Variants in IFT88 observed in about 807,000 individuals in gnomAD.
IFT88 encodes the protein intraflagellar transport protein 88 homolog.
Under a neutral mutation model 119.5 loss-of-function variants are expected in IFT88, and 74 were observed. The observed-to-expected ratio is 0.62, with a 90% CI of 0.51 to 0.75. The LOEUF is 0.75. Ranked by LOEUF, IFT88 falls within the 30% of genes least tolerant of loss-of-function variation. The pLI is 0.00. For missense variants in IFT88, 961 were observed against 977.7 expected (o/e 0.98, Z 0.23); for synonymous variants, 279 against 316.7 (o/e 0.88, Z 1.26).
intron 24 of IFT88, among the ~76,000 whole-genome samples, chr13:20,682,436 A>ATAAATCTATCCT (rs2057429628): frequency 6.6e-6 from 1 of 152,234 alleles, no homozygotes; most frequent in Non-Finnish European, 1.5e-5. Flanking sequence ...AGGATAGAAA[A>ATAAATCTATCCT]TAGATTACTC....
intron 14 of IFT88, among the ~76,000 whole-genome samples, chr13:20,621,936 T>A (rs889042181): frequency 1.3e-5 from 2 of 152,230 alleles, no homozygotes; most frequent in South Asian, 2.1e-4. Flanking sequence ...CTGATCTTTT[T>A]ACTGTCTCCA....
intron 2 of IFT88, among the ~76,000 whole-genome samples, chr13:20,578,476 T>G (rs922838858): frequency 3.3e-5 from 5 of 151,946 alleles, no homozygotes; most frequent in African/African-American, 9.7e-5. Context: ...TATCTCTTTC[T>G]TCTAGGTTTT....
At chr13:20,681,516 C>G (rs2057316928) in intron 24 of IFT88, among the ~76,000 whole-genome samples, 1 of 152,214 alleles carries the variant, frequency 6.6e-6, no homozygotes, top group Non-Finnish European at 1.5e-5. Context: ...AGACCAGAGG[C>G]ATTAACATGG....
chr13:20,632,448 C>T (rs1390263426), intron 16 of IFT88, among the ~76,000 whole-genome samples: 2 of 152,132 alleles, frequency 1.3e-5, no homozygotes, highest in African/African-American at 2.4e-5. Context: ...ATAAGGCTAC[C>T]ACAACTCCTT....
intron 10 of IFT88, 85 bp from the exon 11 acceptor site, chr13:20,599,366 A>G (rs2042245025): frequency 1.8e-6 from 1 of 564,814 alleles, no homozygotes; most frequent in African/African-American, 2.0e-5. Context: ...GAAATGCTTC[A>G]GAGAATATGA....
chr13:20,586,416 T>A (rs561491584), intron 3 of IFT88, among the ~76,000 whole-genome samples: 1 of 152,336 alleles, frequency 6.6e-6, no homozygotes, highest in Non-Finnish European at 1.5e-5. Context: ...TAAAAGAGTA[T>A]AAATTGCTGT....
At chr13:20,654,162 G>A (rs1337135552) in intron 21 of IFT88, among the ~76,000 whole-genome samples, 1 of 152,094 alleles carries the variant, frequency 6.6e-6, no homozygotes, top group East Asian at 1.9e-4. Context: ...AAACAGATTT[G>A]TTATTTCTCA....
At chr13:20,637,279 A>G (rs768938959) in intron 16 of IFT88, among the ~76,000 whole-genome samples, 9 of 152,230 alleles carry the variant, frequency 5.9e-5, no homozygotes, top group Non-Finnish European at 1.0e-4. Context: ...TTTATTATAT[A>G]TAAGTTATAT....
chr13:20,604,764 G>T (rs548572796), intron 12 of IFT88, among the ~76,000 whole-genome samples: 95 of 152,108 alleles, frequency 6.2e-4, no homozygotes, highest in Middle Eastern at 3.2e-3. Flanking sequence ...AGACCAGCCT[G>T]GGCAAAATGG....
intron 1 of IFT88, among the ~76,000 whole-genome samples, chr13:20,574,177 C>G (rs1045098601): frequency 3.9e-5 from 6 of 152,028 alleles, no homozygotes; most frequent in African/African-American, 1.4e-4. Flanking sequence ...AAATTTCAAA[C>G]TTAGTTGGGT....
In IFT88 at chr13:20,683,088, C is replaced by T. The variant is rs143917799; in HGVS notation, c.2243-7617C>T. 5.5e-3 allele frequency among the ~76,000 whole-genome samples: 839 copies of T among 152,252 alleles called. 2 individuals carry two copies. The highest frequency in any genetic ancestry group is 8.0e-3 in the Non-Finnish European group (541 of 68,014). On this transcript the variant is annotated intron_variant, in intron 24 of 25. Transcript: ENST00000351808. ...CATTTACCTGATTTTTTCTTAATAA[C>T]AAAGACTGGAGAATTCCAGGGAGAA...
At chr13:20,680,470 A>G (rs1235292397) in intron 24 of IFT88, among the ~76,000 whole-genome samples, 1 of 152,084 alleles carries the variant, frequency 6.6e-6, no homozygotes, top group Non-Finnish European at 1.5e-5. Flanking sequence ...AATAAGTATA[A>G]TTGTCTTTTG....
chr13:20,579,788 C>T (rs181464287), intron 2 of IFT88, among the ~76,000 whole-genome samples: 88 of 152,332 alleles, frequency 5.8e-4, no homozygotes, highest in African/African-American at 2.1e-3. Context: ...ATCTCAGAGT[C>T]TCACCCAAGT....
intron 15 of IFT88, among the ~76,000 whole-genome samples, chr13:20,626,694 G>A (rs949235365): frequency 1.3e-5 from 2 of 152,210 alleles, no homozygotes; most frequent in African/African-American, 4.8e-5. Context: ...GGGGGGTAGA[G>A]TGGGTGCTCC....
chr13:20,627,724 T>C lies in IFT88; in HGVS notation c.1299+1875T>C, dbSNP rs1341785343. 2.6e-5 allele frequency among the ~76,000 whole-genome samples: 2 copies of C among 78,216 alleles called. 1 individual carries two copies. The highest frequency in any genetic ancestry group is 5.7e-4 in the East Asian group (2 of 3,532). 51.3% of individuals were successfully genotyped at this position (78,216 alleles called of 152,430 possible). On this transcript the variant is annotated intron_variant, in intron 15 of 25. Transcript: ENST00000351808. Reference sequence around the variant, plus strand: ...CTGGCCTGAGTGACAGAGCGAGACTTCATCTCAAAAAAAAAAAAAAAAAAA... The same window carrying C: ...CTGGCCTGAGTGACAGAGCGAGACTCCATCTCAAAAAAAAAAAAAAAAAAA...
intron 7 of IFT88, 96 bp downstream of exon 7, chr13:20,592,500 C>CAAA: frequency 1.2e-6 from 1 of 813,176 alleles, no homozygotes; most frequent in Non-Finnish European, 2.0e-6. Flanking sequence ...GATGATATCT[C>CAAA]ACTCTGTTGC....
chr13:20,643,652 ATTG>A (rs756021663), intron 19 of IFT88, 47 bp downstream of exon 19: 1 of 1,378,090 alleles, frequency 7.3e-7, no homozygotes, highest in Non-Finnish European at 1.0e-6. Context: ...CATTTTATGA[ATTG>A]TTATAAAGAA....
intron 23 of IFT88, 146 bp downstream of exon 23, chr13:20,663,750 A>G (rs2054196267): frequency 1.6e-6 from 1 of 622,328 alleles, no homozygotes; most frequent in East Asian, 2.8e-5. Context: ...AATAACTAAA[A>G]CTCTAGTTTG....
At chr13:20,607,721 T>C (rs2043756533) in intron 13 of IFT88, 24 of 766,294 alleles carry the variant, frequency 3.1e-5, no homozygotes, top group South Asian at 3.1e-4. Flanking sequence ...ATGCTCCTGC[T>C]TCTGGCTGTC....
Sources: gnomAD v4.1 joint callset for allele counts (sites outside exome capture counted in the v4.1 genomes callset) on GRCh38, gnomAD v4.1.1 for gene constraint, MANE v1.5 for transcripts, NCBI Gene and HGNC (gene_info 2026-07-23, HGNC 2026-07-21) for gene names.